Variants in SPIRE2 observed in about 807,000 individuals in gnomAD.
SPIRE2 encodes protein spire homolog 2.
SPIRE2 carries 76 observed loss-of-function variants against 80.7 expected under a neutral mutation model. The ratio of observed to expected loss-of-function variants is 0.94; its 90% confidence interval spans 0.78 to 1.14. The LOEUF (loss-of-function observed/expected upper bound fraction) is 1.14, where lower values mean the gene tolerates loss of function less well. Ranked by LOEUF, SPIRE2 falls within the 50% of genes most tolerant of loss-of-function variation. The pLI is 0.00. For missense variants in SPIRE2, 1,196 were observed against 1,015.3 expected, an observed-to-expected ratio of 1.18 and a Z score of -2.42; for synonymous variants, 535 against 432.6, an observed-to-expected ratio of 1.24 and a Z score of -2.94.
intron 1 of SPIRE2, among the ~76,000 whole-genome samples, chr16:89,842,788 C>T (rs1329741094): frequency 1.3e-5 from 2 of 152,210 alleles, no homozygotes; most frequent in African/African-American, 2.4e-5. Flanking sequence ...ACGTGCTGAA[C>T]GCCCAGCGCG....
At chr16:89,847,578 C>T (rs1041245889) in intron 2 of SPIRE2, among the ~76,000 whole-genome samples, 3 of 152,180 alleles carry the variant, frequency 2.0e-5, no homozygotes, top group Admixed American at 2.0e-4. Context: ...AACCTGATCG[C>T]CCTGTCCCCA....
At position 89,850,197 on chromosome 16, in the gene SPIRE2, G is replaced by A. The variant is rs1178582132; in HGVS notation, c.289-107G>A. 5.5e-6 allele frequency: 5 copies of A among 904,514 alleles called. 1 individual carries two copies. Among genetic ancestry groups the A allele is most frequent in the South Asian group, 4.2e-5 (3 of 71,588 alleles). The allele number at this position is 904,514 out of a possible 1,614,324, so 56.0% of individuals were successfully genotyped here. A position where few individuals can be genotyped will look rare whatever the true frequency, so the allele number is the denominator to read the frequency against. On this transcript the variant is annotated intron_variant, in intron 2 of 14. Coordinates refer to ENST00000378247, the MANE Select transcript of SPIRE2 (RefSeq NM_032451.2). ...TGCCTTGGTCTCTTGTGGACCGACA[G>A]CTGCTGTCTCCCTGGCCGGGTGCTG...
chr16:89,870,130 T>C lies in SPIRE2; in HGVS notation c.2003T>C (p.Val668Ala). Residue 668 changes from valine to alanine, a missense_variant, in exon 15 of 15, where the codon GTC becomes GCC. By Grantham distance (64) the Val-to-Ala change is moderately conservative (BLOSUM62 0). Transcript: ENST00000378247. Reference sequence around the variant, plus strand: ...TCCCACGGCTGTGTCCTGAAGGATGTCTGCAGTGAGTGCACCAGCTTTGTG... The same window carrying C: ...TCCCACGGCTGTGTCCTGAAGGATGCCTGCAGTGAGTGCACCAGCTTTGTG... ...IYSHGCVLKD[V>A]CSECTSFVAD... The C allele has an allele frequency of 6.2e-7, 1 of 1,613,362 alleles. No homozygotes were observed.
At chr16:89,856,611 AT>A (rs34234430) in intron 7 of SPIRE2, among the ~76,000 whole-genome samples, 10,047 of 122,658 alleles carry the variant, frequency 0.082, 354 homozygotes, top group Non-Finnish European at 0.094. Flanking sequence ...CGCCTGGCTA[AT>A]TTTTTTTTTT....
In SPIRE2 at chr16:89,850,339, G is replaced by A. The variant is rs772885283; in HGVS notation, c.324G>A (p.Ala108=). ...CCCTCGGCTTCGCCATCTACCGCGC[G>A]CTGGACTGGGGGCTGGACGAGAGCG... is the stretch of plus-strand genomic sequence containing the variant. ...VQSLGFAIYR[A]LDWGLDESEE... The change falls in exon 3 of 15, where the codon GCG becomes GCA. Residue 108 remains alanine (A), a synonymous_variant. Transcript: ENST00000378247. The A allele has an allele frequency of 3.1e-6, 5 of 1,600,738 alleles. No individual in the cohort carries two copies. The highest frequency in any genetic ancestry group is 1.3e-5 in the African/African-American group (1 of 74,814).
rs1243641995 is a variant in SPIRE2, at chr16:89,870,476, G to C, written c.*204G>C. 1 of 516,246 alleles carries C rather than the reference G, an allele frequency of 1.9e-6. No individual in the cohort carries two copies. The highest frequency in any genetic ancestry group is 1.9e-5 in the African/African-American group (1 of 52,492). The allele number at this position is 516,246 out of a possible 1,614,324, so 32.0% of individuals were successfully genotyped here. A position where few individuals can be genotyped will look rare whatever the true frequency, so the allele number is the denominator to read the frequency against. On this transcript the variant is annotated 3_prime_UTR_variant, in exon 15 of 15. Coordinates refer to ENST00000378247, the MANE Select transcript of SPIRE2 (RefSeq NM_032451.2). ...TTCAAAACCCTCCCTGGGGGAGGCT[G>C]TTTCTTCTCAGGATTCCTTGCCAGG...
chr16:89,855,507 C>T, intron 5 of SPIRE2, 93 bp from the exon 6 acceptor site: 1 of 1,144,374 alleles, frequency 8.7e-7, no homozygotes, highest in Non-Finnish European at 1.3e-6. Context: ...GGTGCGAAGA[C>T]CAGGCTGTCC....
intron 7 of SPIRE2, among the ~76,000 whole-genome samples, chr16:89,856,950 C>T (rs1046574967): frequency 2.0e-5 from 3 of 151,478 alleles, no homozygotes; most frequent in African/African-American, 7.3e-5. Flanking sequence ...GCTGTAATCC[C>T]AGGTGCTCCA....
chr16:89,855,809 G>A (rs2041685108), intron 6 of SPIRE2, 123 bp downstream of exon 6: 1 of 1,032,894 alleles, frequency 9.7e-7, no homozygotes, highest in Non-Finnish European at 1.4e-6. Flanking sequence ...CAGTGCGTCT[G>A]CGTCACGGGT....
At chr16:89,829,690 C>T (rs2041360752) in intron 1 of SPIRE2, among the ~76,000 whole-genome samples, 1 of 139,176 alleles carries the variant, frequency 7.2e-6, no homozygotes, top group Non-Finnish European at 1.7e-5. Context: ...CTTGTTCCTT[C>T]ACCAGGTCCT....
At chr16:89,837,962 G>A (rs1434973667) in intron 1 of SPIRE2, among the ~76,000 whole-genome samples, 3 of 152,090 alleles carry the variant, frequency 2.0e-5, no homozygotes, top group Non-Finnish European at 2.9e-5. Flanking sequence ...TCGTGCGGGC[G>A]TTTCTCCCTC....
intron 1 of SPIRE2, among the ~76,000 whole-genome samples, chr16:89,841,618 G>A (rs2041506507): frequency 6.6e-6 from 1 of 152,142 alleles, no homozygotes; most frequent in Non-Finnish European, 1.5e-5. Flanking sequence ...ACCTGCCTGA[G>A]CCTCGATTTC....
At chr16:89,851,150 G>A (rs1427392791) in intron 3 of SPIRE2, among the ~76,000 whole-genome samples, 2 of 152,170 alleles carry the variant, frequency 1.3e-5, no homozygotes, top group Non-Finnish European at 2.9e-5. Context: ...GAGAAGTTAA[G>A]TGGTGGGCTC....
chr16:89,859,008 G>A (rs917627117), intron 8 of SPIRE2, among the ~76,000 whole-genome samples, 157 bp from the exon 9 acceptor site: 5 of 152,140 alleles, frequency 3.3e-5, no homozygotes, highest in South Asian at 2.1e-4. Context: ...TGCTTGCCAC[G>A]AACTGTCCAG....
At chr16:89,845,815 A>AGTCATGTCTGGAAC (rs2041553871) in intron 2 of SPIRE2, 1 of 568,130 alleles carries the variant, frequency 1.8e-6, no homozygotes, top group African/African-American at 1.9e-5. Context: ...CCTGCCCTGA[A>AGTCATGTCTGGAAC]GTCATGTCTG....
At chr16:89,831,643 C>T (rs2041383904) in intron 1 of SPIRE2, among the ~76,000 whole-genome samples, 1 of 150,972 alleles carries the variant, frequency 6.6e-6, no homozygotes, top group Admixed American at 6.6e-5. Flanking sequence ...ATGATCCGCC[C>T]ACCTCGGCCT....
chr16:89,838,899 G>A (rs2041476629), intron 1 of SPIRE2, among the ~76,000 whole-genome samples: 3 of 151,250 alleles, frequency 2.0e-5, no homozygotes, highest in Non-Finnish European at 3.0e-5. Flanking sequence ...CAGTGTCCCT[G>A]TGTGCAATCT....
chr16:89,829,143 T>C (rs2376875), intron 1 of SPIRE2, among the ~76,000 whole-genome samples: 8,194 of 152,226 alleles, frequency 0.054, 759 homozygotes, highest in African/African-American at 0.19. Flanking sequence ...AGCTGGCCTT[T>C]GCTGGGGCGA....
chr16:89,860,401 G>A (rs762075296), intron 9 of SPIRE2, among the ~76,000 whole-genome samples: 12 of 152,114 alleles, frequency 7.9e-5, no homozygotes, highest in Non-Finnish European at 1.3e-4. Flanking sequence ...TAGGACTACC[G>A]ACATGTTTCA....
Sources: allele counts gnomAD v4.1 joint callset (sites outside exome capture counted in the v4.1 genomes callset), GRCh38; gene constraint gnomAD v4.1.1; transcripts MANE v1.5; gene names NCBI Gene and HGNC (gene_info 2026-07-23, HGNC 2026-07-21).